The following KLHDC8A variants were observed in gnomAD, a reference collection of about 807,000 sequenced individuals.
KLHDC8A encodes kelch domain-containing protein 8A.
A neutral mutation model predicts 33.1 loss-of-function variants in KLHDC8A; 21 were observed. That is an observed-to-expected ratio of 0.64 (90% CI 0.45 to 0.91). The LOEUF (loss-of-function observed/expected upper bound fraction) is 0.91, where lower values mean the gene tolerates loss of function less well. KLHDC8A is among the 40% of genes least tolerant of loss of function. The probability of loss-of-function intolerance (pLI) is 0.00; values close to 1 mark genes in which losing one functional copy is unlikely to be tolerated. For synonymous variants in KLHDC8A, 173 were observed against 193.5 expected, an observed-to-expected ratio of 0.89 and a Z score of 0.88; for missense variants, 435 against 483.3, an observed-to-expected ratio of 0.90 and a Z score of 0.94.
chr1:205,343,938 A>C (rs1662871686), intron 1 of KLHDC8A, 145 bp from the exon 2 acceptor site: 2 of 276,222 alleles, frequency 7.2e-6, no homozygotes, highest in South Asian at 7.4e-5. Flanking sequence ...CACACCCTGC[A>C]CTGCTTGGTC....
In KLHDC8A at chr1:205,339,711, T is replaced by G. The variant is rs746451874; in HGVS notation, c.474A>C (p.Leu158=). The change falls in exon 3 of 6, where the codon CTA becomes CTC. Residue 158 remains leucine, a synonymous_variant. Coordinates refer to ENST00000367155, the MANE Select transcript of KLHDC8A (RefSeq NM_018203.3). This position sits in a 1 kb window ranked among gnomAD's most constrained non-coding sequence, Gnocchi z 5.1. ...CATATCTCGGGGTGGGCATGGGTGC[T>G]AGGGACACCCACATGTCCTTCAGCA... The part of the protein sequence containing the change: ...YDMLKDMWVS[L]APMPTPRYAA... 2 of 1,613,954 alleles carry G rather than the reference T, an allele frequency of 1.2e-6. No individual in the cohort carries two copies. The highest frequency in any genetic ancestry group is 1.7e-6 in the Non-Finnish European group (2 of 1,179,850).
chr1:205,341,037 G>C (rs952696724), intron 2 of KLHDC8A, among the ~76,000 whole-genome samples: 13 of 152,206 alleles, frequency 8.5e-5, no homozygotes, highest in Non-Finnish European at 2.9e-5. Context: ...GCTTTGGAGA[G>C]AGTACTGGTC....
chr1:205,343,140 C>A, intron 2 of KLHDC8A, 89 bp downstream of exon 2: 1 of 1,500,132 alleles, frequency 6.7e-7, no homozygotes, highest in Admixed American at 2.2e-5. Flanking sequence ...CTCCACAGCC[C>A]ACAGCAAATG....
At chr1:205,341,573 C>T (rs772050465) in intron 2 of KLHDC8A, among the ~76,000 whole-genome samples, 1 of 152,156 alleles carries the variant, frequency 6.6e-6, no homozygotes, top group Non-Finnish European at 1.5e-5. Context: ...AAGCCTGGGT[C>T]GACAGCACCG....
At position 205,336,476 on chromosome 1, in the gene KLHDC8A, G is replaced by A. The variant is rs1662634207; in HGVS notation, c.*923C>T. 6.6e-6 allele frequency: 1 copy of A among 152,666 alleles called. No individual in the cohort carries two copies. The highest frequency in any genetic ancestry group is 6.5e-5 in the Admixed American group (1 of 15,284). The allele number at this position is 152,666 out of a possible 1,614,324, so 9.5% of individuals were successfully genotyped here. A position where few individuals can be genotyped will look rare whatever the true frequency, so the allele number is the denominator to read the frequency against. On this transcript the variant is annotated 3_prime_UTR_variant, in exon 6 of 6. Coordinates refer to ENST00000367155, the MANE Select transcript of KLHDC8A (RefSeq NM_018203.3). ...TTATGGGGTCCTCCCTGCCCCTCAA[G>A]ACACCCTTCCGCCCCATCCCCACAC...
In KLHDC8A at chr1:205,339,650, C is replaced by T. The variant is rs199536130; in HGVS notation, c.535G>A (p.Val179Met). ...TSFLRGSKIY[V>M]LGGRQSKYAV... ...AACAGTAACCTGTCCTTACCCAGCA[C>T]GTAGATCTTGGAGCCTCGGAGGAAG... The change falls in exon 3 of 6, where the codon GTG becomes ATG. Residue 179 changes from valine (V) to methionine (M), a missense_variant. Physicochemically the swap from Val to Met is conservative, Grantham distance 21. Transcript: ENST00000367155. The surrounding 1 kb of genome is among the most constrained non-coding windows in gnomAD (Gnocchi z 5.1). 4.2e-5 allele frequency: 68 copies of T among 1,613,796 alleles called. No homozygotes were observed. The Middle Eastern group carries it at 4.9e-4, about 12-fold the overall frequency.
At position 205,339,476 on chromosome 1, in the gene KLHDC8A, G is replaced by A; in HGVS notation, c.542-67C>T. 1 of 1,504,826 alleles carries A rather than the reference G, an allele frequency of 6.6e-7. No homozygotes were observed. The highest frequency in any genetic ancestry group is 9.1e-7 in the Non-Finnish European group (1 of 1,093,440). 93.2% of individuals were successfully genotyped at this position (1,504,826 alleles called of 1,614,324 possible). On this transcript the variant is annotated intron_variant, in intron 3 of 5. Transcript: ENST00000367155. The surrounding 1 kb of genome is among the most constrained non-coding windows in gnomAD (Gnocchi z 5.1). ...CCCTGAGGACAGCGACAGTGAAAAG[G>A]GTTTCCCCTTTTGACAGTTACTCAT...
At chr1:205,351,013 C>T (rs190271582) in intron 1 of KLHDC8A, among the ~76,000 whole-genome samples, 2 of 152,336 alleles carry the variant, frequency 1.3e-5, no homozygotes, top group Admixed American at 6.5e-5. Context: ...AAAGGCTGGC[C>T]TGCTCACCCT....
At chr1:205,346,740 AT>A (rs1662959933) in intron 1 of KLHDC8A, among the ~76,000 whole-genome samples, 1 of 152,204 alleles carries the variant, frequency 6.6e-6, no homozygotes, top group Non-Finnish European at 1.5e-5. Flanking sequence ...CCTTTACTTT[AT>A]CACAATTAAA....
intron 1 of KLHDC8A, among the ~76,000 whole-genome samples, chr1:205,352,010 G>C (rs11589742): frequency 0.19 from 28,357 of 152,174 alleles, 2,732 homozygotes; most frequent in East Asian, 0.32. Context: ...GACATCCAGG[G>C]GGATCCAAGG....
chr1:205,343,731 G>T lies in KLHDC8A; in HGVS notation c.-127C>A. The T allele has an allele frequency of 9.5e-7, 1 of 1,051,128 alleles. No homozygotes were observed. Among genetic ancestry groups the T allele is most frequent in the South Asian group, 1.7e-5 (1 of 59,510 alleles). 65.1% of individuals were successfully genotyped at this position (1,051,128 alleles called of 1,614,324 possible). A position where few individuals can be genotyped will look rare whatever the true frequency, so the allele number is the denominator to read the frequency against. ...GGCTCCCGAGCGCCGGACCCAGCCA[G>T]ACCCCGGCCAGTGCTTCACCGTGCC... On this transcript the variant is annotated 5_prime_UTR_variant, in exon 2 of 6. In the 5' UTR this introduces an upstream ATG that the reference lacks. Transcript: ENST00000367155.
rs201830156 is a variant in KLHDC8A, at chr1:205,343,245, A to T, written c.360T>A (p.Ile120=). Residue 120 remains isoleucine, a synonymous_variant, in exon 2 of 6, where the codon ATT becomes ATA. Transcript: ENST00000367155. The part of the protein sequence containing the change: ...RSMLREAAMG[I]SVTAKDYRVY... The stretch of plus-strand genomic sequence containing the variant: ...CCCACTTGCCTTTGGCCGTGACAGA[A>T]ATGCCCATGGCGGCCTCACGCAGCA... The T allele has an allele frequency of 2.2e-5, 35 of 1,592,056 alleles. No individual in the cohort carries two copies. The highest frequency in any genetic ancestry group is 2.6e-5 in the Non-Finnish European group (30 of 1,164,496).
intron 2 of KLHDC8A, among the ~76,000 whole-genome samples, chr1:205,342,196 C>T (rs539100785): frequency 2.6e-5 from 4 of 152,328 alleles, no homozygotes. Flanking sequence ...CTAGCACTTA[C>T]CTGTATACAA....
intron 1 of KLHDC8A, among the ~76,000 whole-genome samples, chr1:205,346,772 C>T (rs532311686): frequency 1.3e-5 from 2 of 152,248 alleles, no homozygotes; most frequent in South Asian, 4.1e-4. Flanking sequence ...AAGAATTGTG[C>T]CTTATGAAGG....
chr1:205,351,602 CAAAAAAAA>C, intron 1 of KLHDC8A: 2 of 103,556 alleles, frequency 1.9e-5, no homozygotes, highest in Non-Finnish European at 1.7e-5. Context: ...CTGTAATAGT[CAAAAAAAA>C]AAAAAAAAAA....
chr1:205,339,648 C>A lies in KLHDC8A; in HGVS notation c.537G>T (p.Val179=), dbSNP rs1249335279. Residue 179 remains valine (V), a synonymous_variant, in exon 3 of 6, where the codon GTG becomes GTT. Coordinates refer to ENST00000367155, the MANE Select transcript of KLHDC8A (RefSeq NM_018203.3). This position sits in a 1 kb window ranked among gnomAD's most constrained non-coding sequence, Gnocchi z 5.1. The stretch of plus-strand genomic sequence containing the variant: ...AGAACAGTAACCTGTCCTTACCCAG[C>A]ACGTAGATCTTGGAGCCTCGGAGGA... ...TSFLRGSKIY[V]LGGRQSKYAV... is the part of the protein sequence containing the mutation. 3.1e-6 allele frequency: 5 copies of A among 1,613,830 alleles called. No individual in the cohort carries two copies. Among genetic ancestry groups the A allele is most frequent in the Non-Finnish European group, 4.2e-6 (5 of 1,179,942 alleles).
intron 2 of KLHDC8A, among the ~76,000 whole-genome samples, chr1:205,340,157 G>C (rs1240759955): frequency 6.6e-6 from 1 of 152,164 alleles, no homozygotes; most frequent in Non-Finnish European, 1.5e-5. Context: ...TGGGACTACA[G>C]GTCCATGCCA....
In KLHDC8A at chr1:205,343,404, T is replaced by C; in HGVS notation, c.201A>G (p.Thr67=). ...DQWTALPRLP[T]ARAGVAVTAL... ...CGGTGACGGCCACCCCCGCCCGGGC[T>C]GTGGGCAGCCGGGGCAAGGCGGTCC... is the stretch of plus-strand genomic sequence containing the variant. Residue 67 remains threonine, a synonymous_variant, in exon 2 of 6, where the codon ACA becomes ACG. Transcript: ENST00000367155. 6.2e-7 allele frequency: 1 copy of C among 1,613,170 alleles called. No individual in the cohort carries two copies. The highest frequency in any genetic ancestry group is 8.5e-7 in the Non-Finnish European group (1 of 1,179,736).
chr1:205,341,993 T>A (rs2051142), intron 2 of KLHDC8A, among the ~76,000 whole-genome samples: 1 of 152,176 alleles, frequency 6.6e-6, no homozygotes, highest in South Asian at 2.1e-4. Context: ...GAGAATTTGT[T>A]AAATCTACAG....
Sources: gnomAD v4.1 joint callset for allele counts (sites outside exome capture counted in the v4.1 genomes callset) on GRCh38, gnomAD v4.1.1 for gene constraint, Gnocchi (gnomAD v3.1) non-coding constraint, MANE v1.5 for transcripts, NCBI Gene and HGNC (gene_info 2026-07-23, HGNC 2026-07-21) for gene names.